KAZN: variants seen among roughly 807,000 people sequenced by gnomAD.
The protein encoded by KAZN is kazrin.
KAZN carries 40 observed loss-of-function variants against 87.4 expected under a neutral mutation model. The ratio of observed to expected loss-of-function variants is 0.46; its 90% CI spans 0.36 to 0.60. KAZN has a LOEUF of 0.60. Among genes scored for constraint, KAZN ranks in the 20% least tolerant of loss-of-function variants. The pLI is 0.00. For synonymous variants in KAZN, 466 were observed against 458.3 expected (o/e 1.02, Z -0.22); for missense variants, 898 against 1,073.9 (o/e 0.84, Z 2.29).
chr1:14,984,308 C>T (rs1666554701), intron 2 of KAZN, among the ~76,000 whole-genome samples: 1 of 150,488 alleles, frequency 6.6e-6, no homozygotes, highest in South Asian at 2.1e-4. Context: ...ACCCAGGAGG[C>T]AGAGGTTGCA....
intron 2 of KAZN, among the ~76,000 whole-genome samples, chr1:14,441,408 G>C (rs1410303243): frequency 1.3e-5 from 2 of 152,210 alleles, no homozygotes; most frequent in Non-Finnish European, 2.9e-5. Flanking sequence ...CTGGGAACTT[G>C]TGAGAAACTC....
chr1:14,874,755 G>C (rs1302573910), intron 1 of KAZN, among the ~76,000 whole-genome samples: 1 of 152,060 alleles, frequency 6.6e-6, no homozygotes, highest in Non-Finnish European at 1.5e-5. Flanking sequence ...GACATCTTCT[G>C]GTTTGATTAT....
At chr1:14,293,007 G>C (rs1233145387) in intron 2 of KAZN, among the ~76,000 whole-genome samples, 1 of 152,200 alleles carries the variant, frequency 6.6e-6, no homozygotes, top group East Asian at 1.9e-4. Context: ...TGGGCGTGGA[G>C]AGGTGAAGAC....
At chr1:14,450,788 C>T (rs925218015) in intron 2 of KAZN, among the ~76,000 whole-genome samples, 1 of 152,120 alleles carries the variant, frequency 6.6e-6, no homozygotes, top group Non-Finnish European at 1.5e-5. Flanking sequence ...GAAGAGGGTG[C>T]TTGGCTGCTG....
intron 1 of KAZN, among the ~76,000 whole-genome samples, chr1:14,674,618 C>A (rs2148744952): frequency 6.6e-6 from 1 of 152,328 alleles, no homozygotes; most frequent in Non-Finnish European, 1.5e-5. Flanking sequence ...GGCCAAATGT[C>A]TTGACCACTT....
At chr1:14,728,742 G>A (rs529379882) in intron 1 of KAZN, among the ~76,000 whole-genome samples, 7 of 152,266 alleles carry the variant, frequency 4.6e-5, no homozygotes, top group Non-Finnish European at 8.8e-5. Context: ...AAGTGCACCC[G>A]ATCCTGCCTC....
intron 2 of KAZN, among the ~76,000 whole-genome samples, chr1:14,308,794 G>T (rs4989594): frequency 0.48 from 73,234 of 151,948 alleles, 18,677 homozygotes; most frequent in African/African-American, 0.66. Context: ...CATCAGTATG[G>T]GTGAAGGTCA....
chr1:14,415,639 C>T (rs1664686887), intron 2 of KAZN, among the ~76,000 whole-genome samples: 1 of 152,172 alleles, frequency 6.6e-6, no homozygotes, highest in Admixed American at 6.5e-5. Context: ...ACCCCAGCTC[C>T]CTCGCCTCTG....
intron 1 of KAZN, among the ~76,000 whole-genome samples, chr1:14,843,903 A>G (rs1365646829): frequency 6.6e-6 from 1 of 152,164 alleles, no homozygotes; most frequent in African/African-American, 2.4e-5. Flanking sequence ...AACTCACTCG[A>G]CTGGACAAAG....
intron 1 of KAZN, among the ~76,000 whole-genome samples, chr1:14,897,388 G>A (rs1253501298): frequency 6.6e-6 from 1 of 152,070 alleles, no homozygotes; most frequent in Admixed American, 6.6e-5. Context: ...ATCATGATTG[G>A]CTTAAACCAG....
At chr1:14,386,183 C>G (rs1372849621) in intron 2 of KAZN, among the ~76,000 whole-genome samples, 1 of 145,974 alleles carries the variant, frequency 6.9e-6, no homozygotes, top group East Asian at 2.1e-4. Context: ...TTCCTCCATC[C>G]TTTTATTTTG....
intron 1 of KAZN, among the ~76,000 whole-genome samples, chr1:13,984,246 G>A (rs1354040990): frequency 6.6e-6 from 1 of 152,118 alleles, no homozygotes; most frequent in Non-Finnish European, 1.5e-5. Context: ...TTCTGACCTC[G>A]TGATCTGCCC....
chr1:13,981,128 T>TATGTATATATATATATG (rs375605048), intron 1 of KAZN, among the ~76,000 whole-genome samples: 22 of 134,384 alleles, frequency 1.6e-4, no homozygotes, highest in African/African-American at 2.4e-4. Flanking sequence ...TAAACACAGA[T>TATGTATATATATATATG]TATATATAGT....
At chr1:14,299,190 T>C (rs954118693) in intron 2 of KAZN, among the ~76,000 whole-genome samples, 1 of 152,070 alleles carries the variant, frequency 6.6e-6, no homozygotes, top group East Asian at 1.9e-4. Context: ...GGGAAACAGA[T>C]AAGAAACGAA....
intron 1 of KAZN, among the ~76,000 whole-genome samples, chr1:14,901,419 A>G (rs1245518137): frequency 1.1e-5 from 1 of 92,086 alleles, no homozygotes; most frequent in Non-Finnish European, 3.2e-5. Context: ...TGCCACATCC[A>G]GGAGTTCAGA....
chr1:14,087,047 A>G (rs936329461), intron 1 of KAZN, among the ~76,000 whole-genome samples: 2 of 152,174 alleles, frequency 1.3e-5, no homozygotes, highest in Non-Finnish European at 2.9e-5. Flanking sequence ...TGAATTTTTC[A>G]AAAACAGCTT....
chr1:15,106,673 CA>C (rs1641306744), intron 13 of KAZN, among the ~76,000 whole-genome samples: 1 of 152,166 alleles, frequency 6.6e-6, no homozygotes, highest in Non-Finnish European at 1.5e-5. Context: ...CCAGGCTCCA[CA>C]TTCACCAAGA....
intron 1 of KAZN, among the ~76,000 whole-genome samples, chr1:14,128,630 G>A (rs1644925235): frequency 6.6e-6 from 1 of 152,046 alleles, no homozygotes; most frequent in South Asian, 2.1e-4. Context: ...CACCCAAACA[G>A]GCTTAATTTT....
intron 2 of KAZN, among the ~76,000 whole-genome samples, chr1:15,000,611 C>T (rs533088953): frequency 6.6e-5 from 10 of 151,992 alleles, no homozygotes; most frequent in Middle Eastern, 3.4e-3. Flanking sequence ...CTCTGGAAAG[C>T]AAGGTTCATT....
Sources: gnomAD v4.1 joint callset for allele counts (sites outside exome capture counted in the v4.1 genomes callset) on GRCh38, gnomAD v4.1.1 for gene constraint, MANE v1.5 for transcripts, NCBI Gene and HGNC (gene_info 2026-07-23, HGNC 2026-07-21) for gene names.